ZNF544: variants seen among roughly 807,000 people sequenced by gnomAD.
The protein encoded by ZNF544 is zinc finger protein 544.
Under a neutral mutation model 13.5 loss-of-function variants are expected in ZNF544, and 10 were observed. The observed-to-expected ratio is 0.74, with a 90% confidence interval of 0.46 to 1.25. The LOEUF (loss-of-function observed/expected upper bound fraction) is 1.25. Among genes scored for constraint, ZNF544 ranks in the 50% most tolerant of loss-of-function variants. The pLI, the probability that ZNF544 is intolerant of heterozygous loss-of-function variation, is 0.00. For missense variants in ZNF544, 896 were observed against 845.6 expected (o/e 1.06, Z -0.74); for synonymous variants, 323 against 300.5 (o/e 1.07, Z -0.77).
intron 6 of ZNF544, among the ~76,000 whole-genome samples, chr19:58,250,751 ACTG>A (rs1295312755): frequency 6.6e-6 from 1 of 152,130 alleles, no homozygotes; most frequent in Non-Finnish European, 1.5e-5. Context: ...GAGAAGGTTT[ACTG>A]CTTGTCCTGT....
chr19:58,274,999 G>T (rs2147935146), intron 5 of ZNF544, among the ~76,000 whole-genome samples: 1 of 152,080 alleles, frequency 6.6e-6, no homozygotes, highest in East Asian at 1.9e-4. Context: ...CCTGGTCAGG[G>T]TGACAGGTCC....
At chr19:58,256,229 AAT>A (rs1261441763) in intron 6 of ZNF544, among the ~76,000 whole-genome samples, 2 of 152,102 alleles carry the variant, frequency 1.3e-5, no homozygotes, top group East Asian at 1.9e-4. Flanking sequence ...GGCTCACCAA[AAT>A]ATGTTACCAG....
intron 3 of ZNF544, among the ~76,000 whole-genome samples, chr19:58,236,265 C>T (rs1360235790): frequency 2.0e-5 from 3 of 150,542 alleles, no homozygotes; most frequent in East Asian, 2.0e-4. Flanking sequence ...TTTGGGAGGC[C>T]GAGGCGGGCA....
At chr19:58,238,709 C>T (rs954990995) in intron 3 of ZNF544, among the ~76,000 whole-genome samples, 2 of 152,008 alleles carry the variant, frequency 1.3e-5, no homozygotes, top group African/African-American at 2.4e-5. Context: ...TGTCTCTGGT[C>T]CTCCCACCTC....
At chr19:58,230,707 G>T (rs1379043990) in intron 3 of ZNF544, among the ~76,000 whole-genome samples, 2 of 152,150 alleles carry the variant, frequency 1.3e-5, no homozygotes, top group African/African-American at 4.8e-5. Flanking sequence ...AGCAGAGCAG[G>T]ATGGGCAAGA....
chr19:58,255,688 A>G (rs2047151446), intron 6 of ZNF544, among the ~76,000 whole-genome samples: 1 of 152,266 alleles, frequency 6.6e-6, no homozygotes, highest in Non-Finnish European at 1.5e-5. Context: ...GGCTGACTTT[A>G]AGGAGAATTT....
chr19:58,233,378 A>G (rs890190581), intron 3 of ZNF544, among the ~76,000 whole-genome samples: 1 of 152,192 alleles, frequency 6.6e-6, no homozygotes, highest in African/African-American at 2.4e-5. Flanking sequence ...ATAAAAGGCT[A>G]TAGGAACAAG....
chr19:58,269,160 C>T (rs1488556564), intron 5 of ZNF544, among the ~76,000 whole-genome samples: 1 of 152,152 alleles, frequency 6.6e-6, no homozygotes, highest in Non-Finnish European at 1.5e-5. Flanking sequence ...GCAGGCTGGG[C>T]GTGGTGGCTC....
chr19:58,268,684 T>C (rs1384117325), downstream of ZNF544, among the ~76,000 whole-genome samples: 1 of 152,200 alleles, frequency 6.6e-6, no homozygotes, highest in African/African-American at 2.4e-5. Flanking sequence ...GTTTAAAACT[T>C]TTCTAAATAG....
At chr19:58,248,965 A>G (rs903526872) in intron 6 of ZNF544, among the ~76,000 whole-genome samples, 1 of 152,192 alleles carries the variant, frequency 6.6e-6, no homozygotes, top group Non-Finnish European at 1.5e-5. Context: ...AAGGTGACCA[A>G]CAGAGGCTGA....
At chr19:58,232,140 ACT>A (rs1250660192) in intron 3 of ZNF544, among the ~76,000 whole-genome samples, 1 of 152,096 alleles carries the variant, frequency 6.6e-6, no homozygotes, top group Non-Finnish European at 1.5e-5. Flanking sequence ...GATGGGTAGA[ACT>A]CTGTTTTAGT....
At chr19:58,235,878 T>G (rs1228917833) in intron 3 of ZNF544, among the ~76,000 whole-genome samples, 1 of 150,906 alleles carries the variant, frequency 6.6e-6, no homozygotes, top group Non-Finnish European at 1.5e-5. Flanking sequence ...CTGACCAACA[T>G]GGAGAAACCC....
At position 58,262,398 on chromosome 19, in the gene ZNF544, C is replaced by G. The variant is rs2049163925; in HGVS notation, c.1792C>G (p.His598Asp). The G allele has an allele frequency of 6.2e-7, 1 of 1,614,200 alleles. No individual in the cohort carries two copies. Among genetic ancestry groups the G allele is most frequent in the Non-Finnish European group, 8.5e-7 (1 of 1,180,030 alleles). ...TCAGTTAGTTGCACATAAAAGAACT[C>G]ACACTGGAGAAAAGCCCTATGAATG... ...SYQLVAHKRTHTGEKPYECNE... is the reference protein window; with the variant it reads ...SYQLVAHKRTDTGEKPYECNE... Residue 598 changes from histidine to aspartate, a missense_variant, in exon 7 of 7, where the codon CAC becomes GAC. Physicochemically the swap from His to Asp is moderately conservative, Grantham distance 81. Transcript: ENST00000687789.
intron 4 of ZNF544, among the ~76,000 whole-genome samples, chr19:58,244,435 A>G (rs925171813): frequency 6.6e-5 from 10 of 151,654 alleles, no homozygotes; most frequent in Non-Finnish European, 2.9e-5. Flanking sequence ...CCCTTAAAGC[A>G]CTGTAGTTAC....
In ZNF544 at chr19:58,270,304, C is replaced by CTTT. The variant is rs202213273; in HGVS notation, c.245-6012_245-6010dup. ...CTGTGACGTGAACCCTAGGTATTGGCTTTTTTTTTCTTTTTTTTTGAGAAG... is the reference window on the plus strand; with the variant it reads ...CTGTGACGTGAACCCTAGGTATTGGCTTTTTTTTTTTTCTTTTTTTTTGAGAAG... On this transcript the variant is annotated intron_variant, in intron 5 of 6. Coordinates refer to the ZNF544 transcript ENST00000595981. Among the ~76,000 whole-genome samples the CTTT allele has an allele frequency of 1.4e-3, 196 of 136,398 alleles. 16 individuals carry two copies. Among genetic ancestry groups the CTTT allele is most frequent in the African/African-American group, 2.6e-3 (96 of 37,356 alleles). 89.5% of individuals were successfully genotyped at this position (136,398 alleles called of 152,430 possible).
chr19:58,258,497 A>AGGTGTGAGGTGCTG (rs2048133224), intron 6 of ZNF544: 1 of 87,800 alleles, frequency 1.1e-5, no homozygotes, highest in African/African-American at 5.5e-5. Flanking sequence ...CGAGGGCACC[A>AGGTGTGAGGTGCTG]GGTGTGAGGG....
intron 5 of ZNF544, among the ~76,000 whole-genome samples, chr19:58,273,181 CAA>C (rs543937467): frequency 7.6e-6 from 1 of 130,796 alleles, no homozygotes. Context: ...AACTCTGTCT[CAA>C]AAAAAAAAAG....
chr19:58,270,823 G>A (rs2050542956), intron 5 of ZNF544, among the ~76,000 whole-genome samples: 1 of 152,178 alleles, frequency 6.6e-6, no homozygotes, highest in South Asian at 2.1e-4. Flanking sequence ...AGTTTATTTA[G>A]AAGATGAAAA....
chr19:58,246,248 G>A (rs148481124), intron 4 of ZNF544, 53 bp from the exon 5 acceptor site: 114 of 1,611,744 alleles, frequency 7.1e-5, no homozygotes, highest in East Asian at 8.9e-5. Flanking sequence ...AGGTACCTCC[G>A]TGAGGGCATG....
Sources: allele counts gnomAD v4.1 joint callset (sites outside exome capture counted in the v4.1 genomes callset), GRCh38; gene constraint gnomAD v4.1.1; transcripts MANE v1.5; gene names NCBI Gene and HGNC (gene_info 2026-07-23, HGNC 2026-07-21).